The following EFCAB8 variants were observed in gnomAD, a reference collection of about 807,000 sequenced individuals.
EFCAB8 encodes the protein EF-hand calcium-binding domain-containing protein 8.
Under a neutral mutation model 116.3 loss-of-function variants are expected in EFCAB8, and 100 were observed. The ratio of observed to expected loss-of-function variants is 0.86; its 90% confidence interval spans 0.73 to 1.02. The LOEUF (loss-of-function observed/expected upper bound fraction) is 1.02. Ranked by LOEUF, EFCAB8 falls within the 50% of genes least tolerant of loss-of-function variation. The pLI, the probability that EFCAB8 is intolerant of heterozygous loss-of-function variation, is 0.00. For missense variants in EFCAB8, 1,320 were observed against 1,416.9 expected (o/e 0.93, Z 1.10); for synonymous variants, 558 against 567.9 (o/e 0.98, Z 0.25).
chr20:32,859,515 C>T (rs904217653), intron 1 of EFCAB8, among the ~76,000 whole-genome samples: 3 of 152,120 alleles, frequency 2.0e-5, no homozygotes, highest in Non-Finnish European at 4.4e-5. Context: ...TGGCGTTTTA[C>T]CTCTGTTCAT....
At chr20:32,929,423 C>CTTTCT (rs376123617) in intron 20 of EFCAB8, among the ~76,000 whole-genome samples, 8 of 150,394 alleles carry the variant, frequency 5.3e-5, no homozygotes, top group South Asian at 2.1e-4. Context: ...AGATTTTTTT[C>CTTTCT]TTTCTTTTCT....
intron 14 of EFCAB8, among the ~76,000 whole-genome samples, chr20:32,909,484 T>TG (rs912167707): frequency 6.6e-6 from 1 of 152,074 alleles, no homozygotes; most frequent in Non-Finnish European, 1.5e-5. Context: ...TAGCCTCGCC[T>TG]GGGGCAAGGG....
chr20:32,893,133 G>A lies in EFCAB8; in HGVS notation c.759-41G>A, dbSNP rs775329569. 1.4e-5 allele frequency: 21 copies of A among 1,550,678 alleles called. No individual in the cohort carries two copies. In the South Asian group the frequency reaches 1.8e-4, roughly 13 times the overall value. ...TGGTCTTACAGGTGTGAGCCACCGC[G>A]CCCAGCCCACACAACCTCTTCCGTC... On this transcript the variant is annotated intron_variant, in intron 8 of 26. Coordinates refer to ENST00000400522, the MANE Select transcript of EFCAB8 (RefSeq NM_001143967.2).
intron 11 of EFCAB8, among the ~76,000 whole-genome samples, chr20:32,905,272 G>A (rs184963659): frequency 8.5e-5 from 13 of 152,314 alleles, no homozygotes; most frequent in Non-Finnish European, 1.5e-4. Context: ...AGATGAACAA[G>A]AGAAAAGCAT....
chr20:32,883,195 A>G (rs1985430065), intron 5 of EFCAB8, among the ~76,000 whole-genome samples: 1 of 152,212 alleles, frequency 6.6e-6, no homozygotes, highest in Non-Finnish European at 1.5e-5. Flanking sequence ...TTTCTCTGAT[A>G]TCACCCAAGA....
At chr20:32,859,083 A>G (rs1983967442) in intron 1 of EFCAB8, 77 bp downstream of exon 1, 2 of 469,844 alleles carry the variant, frequency 4.3e-6, no homozygotes, top group African/African-American at 2.0e-5. Context: ...CTGACCTCCA[A>G]GGCTGGAGAG....
intron 26 of EFCAB8, 38 bp downstream of exon 26, chr20:32,960,199 C>G (rs1989104058): frequency 1.3e-6 from 2 of 1,531,592 alleles, no homozygotes; most frequent in East Asian, 4.9e-5. Flanking sequence ...GAGGCTGGGT[C>G]AGGGGCCAGG....
At chr20:32,930,746 C>T (rs13041716) in intron 21 of EFCAB8, 130 bp downstream of exon 21, 17 of 894,728 alleles carry the variant, frequency 1.9e-5, no homozygotes, top group South Asian at 3.2e-5. Flanking sequence ...AACAATGCAG[C>T]GAGGAGTCCT....
rs73904065 is a variant in EFCAB8 at position 32,887,684 on chromosome 20, A to G, written c.568-1617A>G. On this transcript the variant is annotated intron_variant, in intron 6 of 26. Transcript: ENST00000400522. The stretch of plus-strand genomic sequence containing the variant: ...CTGGCCTCCCTCTTCCCCAGGACAC[A>G]GCAGCTCATTTCTGCTGACCTGGCT... Among the ~76,000 whole-genome samples the G allele has an allele frequency of 9.6e-3, 1,469 of 152,330 alleles. 22 individuals carry two copies. The highest frequency in any genetic ancestry group is 0.034 in the African/African-American group (1,418 of 41,576).
At chr20:32,872,812 C>T (rs1211889138) in intron 3 of EFCAB8, among the ~76,000 whole-genome samples, 1 of 143,470 alleles carries the variant, frequency 7.0e-6, no homozygotes, top group East Asian at 2.1e-4. Flanking sequence ...AAACAAAAGG[C>T]CGGGTGCAGT....
chr20:32,960,818 G>A (rs1600476676), intron 26 of EFCAB8, among the ~76,000 whole-genome samples: 1 of 152,344 alleles, frequency 6.6e-6, no homozygotes, highest in Admixed American at 6.5e-5. Flanking sequence ...GCTCCAAGGA[G>A]CTCTTTGCAC....
chr20:32,893,357 G>C (rs1297313033), intron 9 of EFCAB8, 59 bp downstream of exon 9: 33 of 1,546,602 alleles, frequency 2.1e-5, no homozygotes. Context: ...TGTGGGTGCT[G>C]AGGTCATCCT....
chr20:32,959,759 A>G lies in EFCAB8; in HGVS notation c.3090-19A>G. The G allele has an allele frequency of 6.9e-7, 1 of 1,452,166 alleles. No individual in the cohort carries two copies. Among genetic ancestry groups the G allele is most frequent in the Non-Finnish European group, 9.1e-7 (1 of 1,095,022 alleles). The allele number at this position is 1,452,166 out of a possible 1,614,324, so 90.0% of individuals were successfully genotyped here. On this transcript the variant is annotated intron_variant, in intron 24 of 26. Transcript: ENST00000400522. Reference sequence around the variant, plus strand: ...TTTGCAGTGGGGGGACATCTTGTGAAGGAAAGCCCCCACACTAGGGAGCAG... The same window carrying G: ...TTTGCAGTGGGGGGACATCTTGTGAGGGAAAGCCCCCACACTAGGGAGCAG...
chr20:32,955,224 G>A (rs1988926820), intron 23 of EFCAB8, among the ~76,000 whole-genome samples: 1 of 152,108 alleles, frequency 6.6e-6, no homozygotes, highest in African/African-American at 2.4e-5. Flanking sequence ...AAAACAGAAT[G>A]GCTCCTCCAA....
At chr20:32,892,519 C>T (rs906634097) in intron 8 of EFCAB8, among the ~76,000 whole-genome samples, 1 of 152,190 alleles carries the variant, frequency 6.6e-6, no homozygotes, top group Non-Finnish European at 1.5e-5. Flanking sequence ...ATTGTCACTC[C>T]CCCACCCAAG....
At chr20:32,862,709 C>CTGGAG (rs1984174345) in intron 1 of EFCAB8, among the ~76,000 whole-genome samples, 1 of 152,104 alleles carries the variant, frequency 6.6e-6, no homozygotes, top group Non-Finnish European at 1.5e-5. Flanking sequence ...CTCATGGCAA[C>CTGGAG]CTCTGCCTCC....
intron 12 of EFCAB8, 34 bp downstream of exon 12, chr20:32,906,663 G>T (rs759296335): frequency 2.1e-5 from 15 of 717,738 alleles, no homozygotes; most frequent in Non-Finnish European, 3.9e-5. Context: ...GAAGCTGCTG[G>T]GGGGAGGGCT....
At chr20:32,956,998 T>C (rs1988986857) in intron 23 of EFCAB8, among the ~76,000 whole-genome samples, 1 of 151,586 alleles carries the variant, frequency 6.6e-6, no homozygotes, top group South Asian at 2.1e-4. Context: ...ATTTTTTTGC[T>C]GACCTGCCTT....
intron 5 of EFCAB8, among the ~76,000 whole-genome samples, chr20:32,879,375 T>C (rs1985193692): frequency 6.6e-6 from 1 of 152,188 alleles, no homozygotes; most frequent in Non-Finnish European, 1.5e-5. Context: ...GCCTGACCGC[T>C]CTGCTCACTC....
Sources: gnomAD v4.1 joint callset for allele counts (sites outside exome capture counted in the v4.1 genomes callset) on GRCh38, gnomAD v4.1.1 for gene constraint, MANE v1.5 for transcripts, NCBI Gene and HGNC (gene_info 2026-07-23, HGNC 2026-07-21) for gene names.